Variants in DENND6A observed in about 807,000 individuals in gnomAD.
The protein encoded by DENND6A is protein DENND6A.
DENND6A carries 43 observed loss-of-function variants against 95.5 expected under a neutral mutation model. The observed-to-expected ratio is 0.45, with a 90% confidence interval of 0.35 to 0.58. The LOEUF (loss-of-function observed/expected upper bound fraction) is 0.58, where lower values mean the gene tolerates loss of function less well. Among genes scored for constraint, DENND6A ranks in the 20% least tolerant of loss-of-function variants. DENND6A has a pLI of 0.00. For synonymous variants in DENND6A, 257 were observed against 260.4 expected (o/e 0.99, Z 0.13); for missense variants, 574 against 736.0 (o/e 0.78, Z 2.55).
intron 1 of DENND6A, among the ~76,000 whole-genome samples, chr3:57,680,364 G>T (rs1193175305): frequency 6.6e-6 from 1 of 152,230 alleles, no homozygotes; most frequent in East Asian, 1.9e-4. Flanking sequence ...GTATTAGGAG[G>T]TGAAACCTTT....
At chr3:57,663,513 C>CATAT in intron 5 of DENND6A, 123 bp downstream of exon 5, 1 of 347,206 alleles carries the variant, frequency 2.9e-6, no homozygotes, top group Non-Finnish European at 5.4e-6. Context: ...CACACACACA[C>CATAT]ATATATATAG....
chr3:57,628,060 C>G lies in DENND6A; in HGVS notation c.*154G>C. The stretch of plus-strand genomic sequence containing the variant: ...TTAAAAAGTAATGCACTAAAAAGGT[C>G]TGTTTATACAATACAGTCTTTCTAC... On this transcript the variant is annotated 3_prime_UTR_variant, in exon 20 of 20. Transcript: ENST00000311128. 3 of 1,066,300 alleles carry G rather than the reference C, an allele frequency of 2.8e-6. No individual in the cohort carries two copies. Among genetic ancestry groups the G allele is most frequent in the Non-Finnish European group, 1.3e-6 (1 of 770,156 alleles). The allele number at this position is 1,066,300 out of a possible 1,614,324, so 66.1% of individuals were successfully genotyped here. A position where few individuals can be genotyped will look rare whatever the true frequency, so the allele number is the denominator to read the frequency against.
At chr3:57,675,565 T>C (rs141811973) in intron 1 of DENND6A, among the ~76,000 whole-genome samples, 16 of 152,306 alleles carry the variant, frequency 1.1e-4, no homozygotes, top group Non-Finnish European at 2.2e-4. Context: ...CTTTAAAGGA[T>C]CATTATGCAT....
chr3:57,640,194 G>C (rs111896229), intron 12 of DENND6A, among the ~76,000 whole-genome samples: 2 of 151,138 alleles, frequency 1.3e-5, no homozygotes, highest in Admixed American at 1.3e-4. Flanking sequence ...TCCTGAACCC[G>C]TGAAGCAGAG....
chr3:57,635,199 G>GGGTTT (rs1195128314), intron 12 of DENND6A, among the ~76,000 whole-genome samples: 2 of 141,344 alleles, frequency 1.4e-5, no homozygotes, highest in Non-Finnish European at 3.1e-5. Flanking sequence ...AGGGTTTGTG[G>GGGTTT]GGTTTTGTTT....
chr3:57,654,610 A>G (rs150162895), intron 9 of DENND6A: 2 of 980,514 alleles, frequency 2.0e-6, no homozygotes, highest in East Asian at 2.3e-4. Flanking sequence ...GAAAATGTCT[A>G]TTTCTTTCAA....
chr3:57,688,282 C>G (rs1336084470), intron 1 of DENND6A, among the ~76,000 whole-genome samples: 2 of 152,084 alleles, frequency 1.3e-5, no homozygotes, highest in Admixed American at 6.5e-5. Context: ...AGGCATGAGC[C>G]ACCACACTCG....
chr3:57,646,724 T>A (rs1445474468), intron 9 of DENND6A, among the ~76,000 whole-genome samples: 1 of 152,216 alleles, frequency 6.6e-6, no homozygotes, highest in Admixed American at 6.5e-5. Flanking sequence ...ATTCTCAAAT[T>A]GTTGTACCAT....
intron 3 of DENND6A, among the ~76,000 whole-genome samples, chr3:57,671,963 AATACATACTCCACGAATCCCAAAT>A (rs762440737): frequency 3.9e-5 from 6 of 152,204 alleles, no homozygotes; most frequent in Non-Finnish European, 7.3e-5. Flanking sequence ...TAAACTATTT[AATACATACTCCACGAATCCCAAAT>A]ATACCAATGT....
Position 57,629,926 on chromosome 3 carries a change from A to C in DENND6A, c.1620+495T>G, listed in dbSNP as rs539710154. Among the ~76,000 whole-genome samples, 295 of 152,340 alleles carry C rather than the reference A, an allele frequency of 1.9e-3. 1 individual carries two copies. Among genetic ancestry groups the C allele is most frequent in the African/African-American group, 6.8e-3 (283 of 41,570 alleles). On this transcript the variant is annotated intron_variant, in intron 18 of 19. Transcript: ENST00000311128. Reference sequence around the variant, plus strand: ...TTGGATTAGAATCCTTACTCTACCCAGTAATGTGCTGGTAAATATTTAACA... The same window carrying C: ...TTGGATTAGAATCCTTACTCTACCCCGTAATGTGCTGGTAAATATTTAACA...
Position 57,663,728 on chromosome 3 carries a change from G to C in DENND6A, c.433-12C>G, listed in dbSNP as rs371315063. The C allele has an allele frequency of 1.9e-6, 3 of 1,543,158 alleles. No homozygotes were observed. The highest frequency in any genetic ancestry group is 2.8e-5 in the African/African-American group (2 of 72,558). ...TAAGCAGGATCCTTCTAAGAAGAAA[G>C]TGACAAGTAAGTGTGTGTGGGGGGG... On this transcript the variant is annotated splice_polypyrimidine_tract_variant and intron_variant, in intron 4 of 19. Transcript: ENST00000311128.
At position 57,643,616 on chromosome 3, in the gene DENND6A, T is replaced by G. The variant is rs568176447; in HGVS notation, c.1038-1869A>C. 7.1e-3 allele frequency among the ~76,000 whole-genome samples: 1,073 copies of G among 151,484 alleles called. 8 individuals are homozygous for G. The highest frequency in any genetic ancestry group is 0.01 in the South Asian group (50 of 4,792). ...GCTGAGGCGGGTGGATCACTTGAGG[T>G]CAGGAGTTCGAGCCAGTCTGGCCAA... On this transcript the variant is annotated intron_variant, in intron 11 of 19. Transcript: ENST00000311128.
intron 1 of DENND6A, among the ~76,000 whole-genome samples, chr3:57,677,733 C>T (rs1268874813): frequency 1.4e-4 from 22 of 152,048 alleles, no homozygotes; most frequent in African/African-American, 5.1e-4. Context: ...ATCCGGCCTT[C>T]CTGTCACTTT....
intron 15 of DENND6A, among the ~76,000 whole-genome samples, chr3:57,632,292 G>A (rs1485722123): frequency 2.6e-5 from 4 of 152,000 alleles, no homozygotes; most frequent in Admixed American, 6.5e-5. Context: ...CAAAAGTGCT[G>A]GGATTACAGA....
At chr3:57,670,019 CA>C (rs780880587) in intron 3 of DENND6A, among the ~76,000 whole-genome samples, 3,037 of 57,710 alleles carry the variant, frequency 0.053, 19 homozygotes, top group Non-Finnish European at 0.067. Flanking sequence ...AACTCCATCT[CA>C]AAAAAAAAAA....
intron 4 of DENND6A, among the ~76,000 whole-genome samples, chr3:57,664,352 C>T (rs1449842271): frequency 3.3e-5 from 5 of 152,084 alleles, no homozygotes; most frequent in African/African-American, 1.2e-4. Flanking sequence ...TAATTGCATT[C>T]CAAAAATTTA....
intron 1 of DENND6A, among the ~76,000 whole-genome samples, chr3:57,691,281 T>C (rs531678373): frequency 1.3e-5 from 2 of 152,316 alleles, no homozygotes; most frequent in South Asian, 4.1e-4. Flanking sequence ...CTCAAAATCT[T>C]TGGGAACTGT....
intron 18 of DENND6A, among the ~76,000 whole-genome samples, 158 bp from the exon 19 acceptor site, chr3:57,629,043 A>T (rs1178176099): frequency 3.3e-5 from 5 of 152,052 alleles, no homozygotes; most frequent in African/African-American, 1.2e-4. Context: ...TAATTCTCAT[A>T]ATATTCTAAT....
At chr3:57,668,064 CA>C (rs368057591) in intron 3 of DENND6A, among the ~76,000 whole-genome samples, 15 of 146,592 alleles carry the variant, frequency 1.0e-4, no homozygotes, top group African/African-American at 1.2e-4. Context: ...GACCCTATCT[CA>C]AAAAAAAAAA....
Sources: allele counts gnomAD v4.1 joint callset (sites outside exome capture counted in the v4.1 genomes callset), GRCh38; gene constraint gnomAD v4.1.1; transcripts MANE v1.5; gene names NCBI Gene and HGNC (gene_info 2026-07-23, HGNC 2026-07-21).